PKHD1L1: variants seen among roughly 807,000 people sequenced by gnomAD.
The protein encoded by PKHD1L1 is PKHD1 like 1.
In PKHD1L1, 434 loss-of-function variants were observed where a neutral mutation model predicts 462.9. The ratio of observed to expected loss-of-function variants is 0.94; its 90% CI spans 0.87 to 1.02. The LOEUF (loss-of-function observed/expected upper bound fraction) is 1.02, where lower values mean the gene tolerates loss of function less well. Ranked by LOEUF, PKHD1L1 falls within the 50% of genes least tolerant of loss-of-function variation. The pLI is 0.00. For missense variants in PKHD1L1, 5,202 were observed against 5,096.1 expected (o/e 1.02, Z -0.63); for synonymous variants, 1,781 against 1,750.0 (o/e 1.02, Z -0.44).
chr8:109,415,886 T>G (rs1467410763), intron 21 of PKHD1L1, among the ~76,000 whole-genome samples: 4 of 150,108 alleles, frequency 2.7e-5, no homozygotes, highest in Non-Finnish European at 5.9e-5. Context: ...TGTGTGTGTG[T>G]GTGTGTGTGT....
rs1425065504 is a variant in PKHD1L1 at position 109,533,183 on chromosome 8, C to G, written c.*3093C>G. On this transcript the variant is annotated 3_prime_UTR_variant, in exon 78 of 78. Transcript: ENST00000378402. Reference sequence around the variant, plus strand: ...AGAGTTTTTAATCCAAATTCCTGTTCAAATTCTTGGTTTCTACTTTACCAC... The same window carrying G: ...AGAGTTTTTAATCCAAATTCCTGTTGAAATTCTTGGTTTCTACTTTACCAC... 6.6e-6 allele frequency among the ~76,000 whole-genome samples: 1 copy of G among 152,232 alleles called. No individual in the cohort carries two copies. Among genetic ancestry groups the G allele is most frequent in the Non-Finnish European group, 1.5e-5 (1 of 68,042 alleles).
intron 76 of PKHD1L1, among the ~76,000 whole-genome samples, 153 bp downstream of exon 76, chr8:109,523,539 C>T (rs1302818196): frequency 6.6e-6 from 1 of 151,688 alleles, no homozygotes; most frequent in Non-Finnish European, 1.5e-5. Flanking sequence ...AATATTTAGT[C>T]TAGCTTAAGA....
At chr8:109,463,190 T>G (rs115023446) in intron 48 of PKHD1L1, among the ~76,000 whole-genome samples, 1 of 152,202 alleles carries the variant, frequency 6.6e-6, no homozygotes, top group Non-Finnish European at 1.5e-5. Flanking sequence ...ATGTTATCCC[T>G]ATGACACTAG....
At position 109,382,499 on chromosome 8, in the gene PKHD1L1, T is replaced by G. The variant is rs780932851; in HGVS notation, c.345T>G (p.Ser115Arg). 11 of 1,612,168 alleles carry G rather than the reference T, an allele frequency of 6.8e-6. No homozygotes were observed. The highest frequency in any genetic ancestry group is 1.7e-5 in the Admixed American group (1 of 59,792). ...AAGATTCCTACACTGTTAGAGTCAG[T>G]GTGGACGGGGTTCCTGTTACGGAAA... is the stretch of plus-strand genomic sequence containing the variant. The part of the protein sequence containing the change: ...MPEDSYTVRV[S>R]VDGVPVTENN... Residue 115 changes from serine (S) to arginine (R), a missense_variant, in exon 4 of 78, where the codon AGT (serine) becomes AGG (arginine). Physicochemically the swap from Ser to Arg is moderately radical, Grantham distance 110. This residue lies in a region of PKHD1L1 where 4,497 missense variants were observed against 4,336.8 expected (regional missense o/e 1.04). Coordinates refer to ENST00000378402, the MANE Select transcript of PKHD1L1 (RefSeq NM_177531.6).
intron 19 of PKHD1L1, among the ~76,000 whole-genome samples, chr8:109,410,276 G>A (rs1167007431): frequency 6.6e-6 from 1 of 152,118 alleles, no homozygotes; most frequent in Non-Finnish European, 1.5e-5. Flanking sequence ...ATAGGCCATT[G>A]TTGCGTTGCT....
At chr8:109,528,053 C>G (rs1324726419) in intron 77 of PKHD1L1, among the ~76,000 whole-genome samples, 4 of 152,104 alleles carry the variant, frequency 2.6e-5, no homozygotes, top group Non-Finnish European at 5.9e-5. Context: ...GACAGGCAGA[C>G]AGAGACATTG....
At chr8:109,433,963 G>A (rs943457952) in intron 28 of PKHD1L1, among the ~76,000 whole-genome samples, 19 of 152,074 alleles carry the variant, frequency 1.2e-4, no homozygotes, top group African/African-American at 4.6e-4. Flanking sequence ...TCCTTTGCAG[G>A]GACATGGATG....
At chr8:109,436,601 A>G in intron 30 of PKHD1L1, 142 bp downstream of exon 30, 3 of 1,313,218 alleles carry the variant, frequency 2.3e-6, no homozygotes, top group Non-Finnish European at 3.0e-6. Flanking sequence ...CTTAAAACTT[A>G]TTTCTTCCAT....
At chr8:109,426,572 G>T (rs1814760813) in intron 24 of PKHD1L1, among the ~76,000 whole-genome samples, 1 of 152,010 alleles carries the variant, frequency 6.6e-6, no homozygotes, top group Non-Finnish European at 1.5e-5. Context: ...CATTGGAGGG[G>T]GACATAGAGT....
chr8:109,430,087 A>T, intron 27 of PKHD1L1, 50 bp downstream of exon 27: 1 of 1,177,296 alleles, frequency 8.5e-7, no homozygotes, highest in African/African-American at 1.6e-5. Flanking sequence ...TAATCAGCAA[A>T]ATGTAAACTC....
intron 77 of PKHD1L1, among the ~76,000 whole-genome samples, chr8:109,529,345 C>A (rs1375855417): frequency 6.6e-6 from 1 of 152,060 alleles, no homozygotes; most frequent in African/African-American, 2.4e-5. Context: ...TATTTTTATG[C>A]CAGTTTTCTT....
At chr8:109,428,159 A>G (rs1586488773) in intron 25 of PKHD1L1, among the ~76,000 whole-genome samples, 1 of 152,266 alleles carries the variant, frequency 6.6e-6, no homozygotes, top group East Asian at 1.9e-4. Flanking sequence ...GTAGTATCTT[A>G]ATACAGAGAC....
chr8:109,508,270 T>C lies in PKHD1L1; in HGVS notation c.11395+6T>C. The C allele has an allele frequency of 6.3e-7, 1 of 1,595,746 alleles. No individual in the cohort carries two copies. ...TTATGTTGATCTTATTAATGGTAGG[T>C]ATTCAATATGAGTAAACTACAATTA... On this transcript the variant is annotated splice_donor_region_variant and intron_variant, in intron 70 of 77. Transcript: ENST00000378402.
chr8:109,522,942 C>A, intron 75 of PKHD1L1, 52 bp downstream of exon 75: 1 of 1,501,368 alleles, frequency 6.7e-7, no homozygotes, highest in Admixed American at 2.2e-5. Context: ...GCTACAAATT[C>A]TGAAGGATGA....
intron 23 of PKHD1L1, 71 bp from the exon 24 acceptor site, chr8:109,425,014 A>G: frequency 7.9e-7 from 1 of 1,264,610 alleles, no homozygotes; most frequent in Non-Finnish European, 1.1e-6. Flanking sequence ...GGATTGTACC[A>G]TGATGAAATA....
chr8:109,409,022 AT>A (rs1248825110), intron 18 of PKHD1L1, among the ~76,000 whole-genome samples: 2 of 152,214 alleles, frequency 1.3e-5, no homozygotes, highest in Non-Finnish European at 2.9e-5. Context: ...GAGTTACAAC[AT>A]TTTGACAACT....
At chr8:109,366,691 A>ATTTTT (rs373076991) in intron 2 of PKHD1L1, among the ~76,000 whole-genome samples, 16 of 137,680 alleles carry the variant, frequency 1.2e-4, no homozygotes, top group Admixed American at 5.2e-4. Context: ...TGTGGTTATG[A>ATTTTT]TTTTTTTTTT....
intron 27 of PKHD1L1, among the ~76,000 whole-genome samples, chr8:109,431,735 A>G (rs1038077639): frequency 1.3e-5 from 2 of 152,212 alleles, no homozygotes; most frequent in African/African-American, 2.4e-5. Context: ...GTGGACATTT[A>G]GATTGTTTAC....
At chr8:109,391,859 G>C (rs1812728183) in intron 9 of PKHD1L1, among the ~76,000 whole-genome samples, 1 of 152,142 alleles carries the variant, frequency 6.6e-6, no homozygotes, top group Non-Finnish European at 1.5e-5. Context: ...TGTATTTAGA[G>C]ATCATCTACT....
Sources: allele counts gnomAD v4.1 joint callset (sites outside exome capture counted in the v4.1 genomes callset), GRCh38; gene constraint gnomAD v4.1.1; regional missense constraint gnomAD v4.1.1; transcripts MANE v1.5; gene names NCBI Gene and HGNC (gene_info 2026-07-23, HGNC 2026-07-21).